ABCC4: variants seen among roughly 807,000 people sequenced by gnomAD.
The protein encoded by ABCC4 is ATP-binding cassette sub-family C member 4.
A neutral mutation model predicts 168.5 loss-of-function variants in ABCC4; 102 were observed. The ratio of observed to expected loss-of-function variants is 0.61; its 90% CI spans 0.52 to 0.71. The LOEUF (loss-of-function observed/expected upper bound fraction) is 0.71, where lower values mean the gene tolerates loss of function less well. Ranked by LOEUF, ABCC4 falls within the 30% of genes least tolerant of loss-of-function variation. The probability of loss-of-function intolerance (pLI) is 0.00; values close to 1 mark genes in which losing one functional copy is unlikely to be tolerated. For missense variants in ABCC4, 1,402 were observed against 1,605.8 expected (o/e 0.87, Z 2.17); for synonymous variants, 617 against 590.7 (o/e 1.04, Z -0.65).
At chr13:95,207,438 C>G (rs1400871954) in intron 7 of ABCC4, among the ~76,000 whole-genome samples, 2 of 152,226 alleles carry the variant, frequency 1.3e-5, no homozygotes, top group Non-Finnish European at 2.9e-5. Flanking sequence ...TGCCCAGTCT[C>G]TATAACTTGT....
At chr13:95,151,202 T>A (rs1011032633) in intron 19 of ABCC4, among the ~76,000 whole-genome samples, 1 of 152,024 alleles carries the variant, frequency 6.6e-6, no homozygotes, top group African/African-American at 2.4e-5. Context: ...CCATTGTTGG[T>A]CTAGTGTGGT....
Position 95,161,233 on chromosome 13 carries a change from G to A in ABCC4, c.2411C>T (p.Ser804Leu), listed in dbSNP as rs1191570622. Residue 804 changes from serine to leucine, a missense_variant, in exon 19 of 31, where the codon TCA becomes TTA. By Grantham distance (145) the Ser-to-Leu change is moderately radical (BLOSUM62 -2). Coordinates refer to ENST00000645237, the MANE Select transcript of ABCC4 (RefSeq NM_005845.5). ...GAATAATACCGGAGCTTTCAGAATT[G>A]ACTCAAACATTTTGTTGTGCAAAGT... ...SQTLHNKMFE[S>L]ILKAPVLFFD... 2.5e-6 allele frequency: 4 copies of A among 1,610,562 alleles called. No individual in the cohort carries two copies.
intron 20 of ABCC4, among the ~76,000 whole-genome samples, chr13:95,112,497 C>A (rs191245868): frequency 2.6e-5 from 4 of 152,266 alleles, no homozygotes; most frequent in Non-Finnish European, 5.9e-5. Flanking sequence ...TTTCAACTCC[C>A]TTTTTATGAA....
intron 30 of ABCC4, among the ~76,000 whole-genome samples, chr13:95,026,927 G>C (rs2031578572): frequency 1.3e-5 from 2 of 151,848 alleles, no homozygotes; most frequent in Admixed American, 1.3e-4. Flanking sequence ...AAGAAAAAAG[G>C]CTGAGTTATG....
chr13:95,039,761 CAATTTAATCCATTT>C (rs1165196581), intron 29 of ABCC4, among the ~76,000 whole-genome samples: 4 of 152,170 alleles, frequency 2.6e-5, no homozygotes, highest in African/African-American at 7.2e-5. Flanking sequence ...AACTGCAAAA[CAATTTAATCCATTT>C]AATTGGCAGG....
At chr13:95,075,389 A>G (rs2033862680) in intron 22 of ABCC4, 43 bp downstream of exon 22, 3 of 1,612,748 alleles carry the variant, frequency 1.9e-6, no homozygotes, top group Non-Finnish European at 2.5e-6. Context: ...CAGAAAAAGC[A>G]GCAGATCCTG....
chr13:95,078,556 G>A (rs746301399), intron 21 of ABCC4, among the ~76,000 whole-genome samples: 62 of 152,222 alleles, frequency 4.1e-4, no homozygotes, highest in Non-Finnish European at 5.9e-4. Flanking sequence ...TAAGAGGACT[G>A]AGCTGGTGCT....
At chr13:95,203,827 C>G (rs115562741) in intron 8 of ABCC4, among the ~76,000 whole-genome samples, 1 of 152,118 alleles carries the variant, frequency 6.6e-6, no homozygotes, top group Admixed American at 6.5e-5. Context: ...CCTCACACCC[C>G]CCTTGAACAA....
chr13:95,121,043 T>C (rs2035554297), intron 19 of ABCC4, among the ~76,000 whole-genome samples: 1 of 152,206 alleles, frequency 6.6e-6, no homozygotes, highest in Non-Finnish European at 1.5e-5. Flanking sequence ...TATTTCAGTA[T>C]ATCTCATCAG....
At chr13:95,256,449 A>G (rs762328655) in intron 1 of ABCC4, among the ~76,000 whole-genome samples, 1 of 152,344 alleles carries the variant, frequency 6.6e-6, no homozygotes. Context: ...TATGATGTTG[A>G]CTATCCTCTG....
chr13:95,173,903 C>T (rs2037568698), intron 13 of ABCC4, among the ~76,000 whole-genome samples: 1 of 152,240 alleles, frequency 6.6e-6, no homozygotes, highest in Non-Finnish European at 1.5e-5. Flanking sequence ...TGTCTATGAA[C>T]CAGAGCGTGA....
intron 3 of ABCC4, among the ~76,000 whole-genome samples, chr13:95,240,178 G>T (rs896802493): frequency 6.6e-6 from 1 of 152,192 alleles, no homozygotes; most frequent in African/African-American, 2.4e-5. Context: ...AGGGGAGGAG[G>T]GATATGCAAT....
At chr13:95,232,144 TG>T (rs2039639026) in intron 4 of ABCC4, among the ~76,000 whole-genome samples, 1 of 151,418 alleles carries the variant, frequency 6.6e-6, no homozygotes, top group Non-Finnish European at 1.5e-5. Context: ...GTGGTGGTGG[TG>T]GTGGTGGTGG....
At chr13:95,265,294 T>C (rs1380806515) in intron 1 of ABCC4, among the ~76,000 whole-genome samples, 1 of 152,178 alleles carries the variant, frequency 6.6e-6, no homozygotes. Flanking sequence ...GTGGTATGTA[T>C]GCACCACTCT....
chr13:95,228,858 G>A (rs1013566436), intron 4 of ABCC4, among the ~76,000 whole-genome samples: 3 of 151,682 alleles, frequency 2.0e-5, no homozygotes, highest in African/African-American at 4.9e-5. Context: ...CCAGGAGTTC[G>A]AGACCAGCCT....
At chr13:95,175,092 C>T (rs1165426074) in intron 13 of ABCC4, among the ~76,000 whole-genome samples, 1 of 152,142 alleles carries the variant, frequency 6.6e-6, no homozygotes, top group African/African-American at 2.4e-5. Context: ...GGTAAACGTT[C>T]AGGAACCCAC....
intron 11 of ABCC4, among the ~76,000 whole-genome samples, chr13:95,183,343 T>C (rs1276719075): frequency 5.9e-5 from 9 of 152,172 alleles, no homozygotes; most frequent in Admixed American, 5.9e-4. Context: ...TGATTACACA[T>C]GCAATCTCTG....
intron 1 of ABCC4, among the ~76,000 whole-genome samples, chr13:95,293,013 T>C (rs1167211583): frequency 6.6e-6 from 1 of 152,154 alleles, no homozygotes; most frequent in Non-Finnish European, 1.5e-5. Flanking sequence ...ACATAGCGAC[T>C]GAGGGGTGGT....
chr13:95,169,117 G>A (rs371871190), intron 14 of ABCC4, among the ~76,000 whole-genome samples: 48 of 152,240 alleles, frequency 3.2e-4, no homozygotes, highest in African/African-American at 9.9e-4. Flanking sequence ...TGGGAGAGGC[G>A]AGGAAGGATT....
Sources: gnomAD v4.1 joint callset for allele counts (sites outside exome capture counted in the v4.1 genomes callset) on GRCh38, gnomAD v4.1.1 for gene constraint, MANE v1.5 for transcripts, NCBI Gene and HGNC (gene_info 2026-07-23, HGNC 2026-07-21) for gene names.